Variants in LRRC8C observed in about 807,000 individuals in gnomAD.
LRRC8C encodes leucine rich repeat containing 8 VRAC subunit C.
A neutral mutation model predicts 55.3 loss-of-function variants in LRRC8C; 20 were observed. The observed-to-expected ratio is 0.36, with a 90% CI of 0.25 to 0.53. LRRC8C has a LOEUF of 0.53. Among genes scored for constraint, LRRC8C ranks in the 20% least tolerant of loss-of-function variants. LRRC8C has a pLI of 0.92. For missense variants in LRRC8C, 659 were observed against 951.4 expected (o/e 0.69, Z 4.04); for synonymous variants, 376 against 360.7 (o/e 1.04, Z -0.48).
upstream of LRRC8C, among the ~76,000 whole-genome samples, chr1:89,630,837 C>G (rs180715416): frequency 1.1e-3 from 174 of 152,294 alleles, no homozygotes; most frequent in Non-Finnish European, 1.7e-3. Context: ...GGTAAGATCA[C>G]TAGATTTAAG....
chr1:89,660,221 A>C (rs1045549462), intron 1 of LRRC8C, among the ~76,000 whole-genome samples: 2 of 152,148 alleles, frequency 1.3e-5, no homozygotes, highest in Non-Finnish European at 2.9e-5. Context: ...TAAGTGAGTA[A>C]ACCCTGCCTT....
At chr1:89,690,480 G>A (rs573797055) in intron 2 of LRRC8C, among the ~76,000 whole-genome samples, 10 of 152,268 alleles carry the variant, frequency 6.6e-5, no homozygotes, top group East Asian at 1.9e-4. Context: ...GGCTCAGAGC[G>A]CTGCTGCAGG....
At chr1:89,641,706 T>A (rs1029469722) in intron 1 of LRRC8C, among the ~76,000 whole-genome samples, 9 of 152,196 alleles carry the variant, frequency 5.9e-5, no homozygotes. Flanking sequence ...ACACTTTGCA[T>A]CCAGAGTCAC....
Position 89,715,173 on chromosome 1 carries a change from T to C in LRRC8C, c.*191T>C. On this transcript the variant is annotated 3_prime_UTR_variant, in exon 3 of 3. Coordinates refer to ENST00000370454, the MANE Select transcript of LRRC8C (RefSeq NM_032270.5). ...CAATATTAATATTTTGAAGTTTTAT[T>C]TGTCTTGAAACACAATGTATCTATT... 2.6e-6 allele frequency: 1 copy of C among 379,884 alleles called. No homozygotes were observed. The allele number at this position is 379,884 out of a possible 1,614,324, so 23.5% of individuals were successfully genotyped here. A position where few individuals can be genotyped will look rare whatever the true frequency, so the allele number is the denominator to read the frequency against.
intron 2 of LRRC8C, among the ~76,000 whole-genome samples, chr1:89,705,244 A>G (rs1245551337): frequency 8.1e-6 from 1 of 123,654 alleles, no homozygotes; most frequent in African/African-American, 3.2e-5. Context: ...GGACACAGGA[A>G]GGGGAACATC....
chr1:89,668,898 T>C (rs568240041), intron 1 of LRRC8C, among the ~76,000 whole-genome samples: 2 of 152,306 alleles, frequency 1.3e-5, no homozygotes, highest in East Asian at 3.9e-4. Flanking sequence ...ACCAACACAA[T>C]TTTTTTGTTT....
intron 1 of LRRC8C, among the ~76,000 whole-genome samples, chr1:89,677,663 T>C (rs1373209649): frequency 2.6e-5 from 4 of 152,240 alleles, no homozygotes; most frequent in Admixed American, 6.5e-5. Context: ...CTCAGGATTT[T>C]CACCCATAAA....
chr1:89,671,342 G>A (rs1473446742), intron 1 of LRRC8C, among the ~76,000 whole-genome samples: 3 of 150,028 alleles, frequency 2.0e-5, no homozygotes, highest in East Asian at 1.9e-4. Flanking sequence ...GCATACTCAA[G>A]GAAGGGAAGA....
At chr1:89,633,403 C>CCGGGACTCGCCCCGCCT (rs1417563259) in intron 1 of LRRC8C, 81 bp downstream of exon 1, 18 of 152,612 alleles carry the variant, frequency 1.2e-4, no homozygotes, top group East Asian at 9.7e-4. Flanking sequence ...GCGCGCCGGA[C>CCGGGACTCGCCCCGCCT]CGGGACTCGC....
chr1:89,695,318 C>T (rs1658144780), intron 2 of LRRC8C, among the ~76,000 whole-genome samples: 1 of 152,172 alleles, frequency 6.6e-6, no homozygotes, highest in African/African-American at 2.4e-5. Context: ...GAACTACTGG[C>T]AGTAATAGGG....
At chr1:89,628,278 A>T (rs971770665), upstream of LRRC8C, among the ~76,000 whole-genome samples, 1 of 152,208 alleles carries the variant, frequency 6.6e-6, no homozygotes, top group African/African-American at 2.4e-5. Flanking sequence ...CACCTCTCTA[A>T]CAAAGGCAAA....
chr1:89,681,005 T>G (rs932258467), intron 1 of LRRC8C, among the ~76,000 whole-genome samples: 2 of 152,224 alleles, frequency 1.3e-5, no homozygotes, highest in African/African-American at 4.8e-5. Context: ...AAGACATTAC[T>G]AATAAGATAA....
At chr1:89,634,034 T>G (rs1391381780) in intron 1 of LRRC8C, among the ~76,000 whole-genome samples, 1 of 152,182 alleles carries the variant, frequency 6.6e-6, no homozygotes, top group South Asian at 2.1e-4. Context: ...ATGTGTTCTG[T>G]GGACACGAAT....
At position 89,671,849 on chromosome 1, in the gene LRRC8C, T is replaced by G. The variant is rs143256743; in HGVS notation, c.-4-14621T>G. Among the ~76,000 whole-genome samples the G allele has an allele frequency of 3.5e-3, 532 of 152,342 alleles. 4 individuals are homozygous for G. Among genetic ancestry groups the G allele is most frequent in the African/African-American group, 0.011 (465 of 41,588 alleles). ...GAAGCTGTGAAGCTTTACATGAATC[T>G]GCAGAAAGCATGGGTAGATTTTCAC... On this transcript the variant is annotated intron_variant, in intron 1 of 2. Transcript: ENST00000370454.
intron 2 of LRRC8C, among the ~76,000 whole-genome samples, chr1:89,690,364 G>T (rs1235843608): frequency 6.6e-6 from 1 of 152,156 alleles, no homozygotes; most frequent in Non-Finnish European, 1.5e-5. Flanking sequence ...TAGAGCAGGG[G>T]TCTCAAGGAG....
chr1:89,678,530 G>A (rs112104577), intron 1 of LRRC8C, among the ~76,000 whole-genome samples: 6,173 of 151,980 alleles, frequency 0.041, 378 homozygotes, highest in African/African-American at 0.14. Context: ...GAGAAACCCC[G>A]TCTCTACTAA....
At chr1:89,625,059 G>T in the LRRC8C span, 3 of 152,172 alleles carry the variant, frequency 2.0e-5, no homozygotes, top group African/African-American at 7.2e-5. Flanking sequence ...GATGGATGGT[G>T]GAAGACCAAG....
chr1:89,714,990 T>C lies in LRRC8C; in HGVS notation c.*8T>C. The C allele has an allele frequency of 6.4e-7, 1 of 1,553,054 alleles. No homozygotes were observed. Among genetic ancestry groups the C allele is most frequent in the South Asian group, 1.2e-5 (1 of 81,548 alleles). On this transcript the variant is annotated 3_prime_UTR_variant, in exon 3 of 3. Transcript: ENST00000370454. The surrounding 1 kb of genome is among the most constrained non-coding windows in gnomAD (Gnocchi z 4.6). ...CAAATGAAAACAGAATAACTTATTTTTCGTTAAAGTTTGACTGAAACACGC... is the reference window on the plus strand; with the variant it reads ...CAAATGAAAACAGAATAACTTATTTCTCGTTAAAGTTTGACTGAAACACGC...
intron 1 of LRRC8C, among the ~76,000 whole-genome samples, chr1:89,680,987 C>T (rs7512447): frequency 0.99 from 150,134 of 152,366 alleles, 73,994 homozygotes; most frequent in Middle Eastern, 1. Flanking sequence ...AAAAATATTA[C>T]ACTTCCAAAG....
Sources: gnomAD v4.1 joint callset for allele counts (sites outside exome capture counted in the v4.1 genomes callset) on GRCh38, gnomAD v4.1.1 for gene constraint, Gnocchi (gnomAD v3.1) non-coding constraint, MANE v1.5 for transcripts, NCBI Gene and HGNC (gene_info 2026-07-23, HGNC 2026-07-21) for gene names.